DNM3: variants seen among roughly 807,000 people sequenced by gnomAD.
The protein encoded by DNM3 is dynamin-3.
In DNM3, 47 loss-of-function variants were observed where a neutral mutation model predicts 101.6. The observed-to-expected ratio is 0.46, with a 90% CI of 0.37 to 0.59. DNM3 has a LOEUF of 0.59. DNM3 is among the 20% of genes least tolerant of loss of function. DNM3 has a pLI of 0.00. For synonymous variants in DNM3, 385 were observed against 387.9 expected (o/e 0.99, Z 0.09); for missense variants, 849 against 1,085.7 (o/e 0.78, Z 3.06).
At chr1:172,355,470 G>C (rs1196000148) in intron 17 of DNM3, among the ~76,000 whole-genome samples, 1 of 152,116 alleles carries the variant, frequency 6.6e-6, no homozygotes, top group African/African-American at 2.4e-5. Flanking sequence ...AACAGCTGGA[G>C]AGAGACTACA....
intron 20 of DNM3, among the ~76,000 whole-genome samples, chr1:172,404,967 A>T (rs1298702097): frequency 6.6e-6 from 1 of 152,120 alleles, no homozygotes; most frequent in Non-Finnish European, 1.5e-5. Flanking sequence ...GACATAGATC[A>T]TCTAGTCTGA....
At chr1:172,212,324 C>T (rs1170559161) in intron 14 of DNM3, among the ~76,000 whole-genome samples, 3 of 152,124 alleles carry the variant, frequency 2.0e-5, no homozygotes, top group Admixed American at 6.6e-5. Context: ...TGAGGCTAGT[C>T]ACTGCTGCTG....
intron 10 of DNM3, among the ~76,000 whole-genome samples, chr1:172,066,991 C>T (rs372636267): frequency 5.0e-4 from 76 of 151,042 alleles, no homozygotes; most frequent in Middle Eastern, 6.8e-3. Context: ...TGTGTGTGCG[C>T]GCGTGCAAGA....
At chr1:172,077,050 G>A (rs1332594797) in intron 11 of DNM3, among the ~76,000 whole-genome samples, 1 of 152,088 alleles carries the variant, frequency 6.6e-6, no homozygotes, top group Non-Finnish European at 1.5e-5. Flanking sequence ...TTGGGAGGGT[G>A]TATGTATCCA....
At chr1:172,184,759 G>A (rs2059464724) in intron 14 of DNM3, among the ~76,000 whole-genome samples, 1 of 152,060 alleles carries the variant, frequency 6.6e-6, no homozygotes. Flanking sequence ...CATTCTCATT[G>A]CAGACTTGGG....
chr1:172,115,465 C>G (rs928873225), intron 13 of DNM3, among the ~76,000 whole-genome samples: 1 of 152,166 alleles, frequency 6.6e-6, no homozygotes, highest in Non-Finnish European at 1.5e-5. Flanking sequence ...CTTCCCTGTT[C>G]AAAACCCTCT....
At chr1:171,940,249 C>G (rs1465959079) in intron 2 of DNM3, among the ~76,000 whole-genome samples, 1 of 152,098 alleles carries the variant, frequency 6.6e-6, no homozygotes, top group Non-Finnish European at 1.5e-5. Context: ...TCCTGCAAGC[C>G]TGGTGGAATT....
intron 4 of DNM3, among the ~76,000 whole-genome samples, chr1:171,991,991 C>A (rs920422575): frequency 9.2e-5 from 14 of 152,136 alleles, no homozygotes; most frequent in African/African-American, 3.4e-4. Context: ...AAGATAAATT[C>A]TTTTCAAGGG....
chr1:171,936,620 A>G (rs2041440936), intron 2 of DNM3, among the ~76,000 whole-genome samples: 1 of 152,072 alleles, frequency 6.6e-6, no homozygotes, highest in African/African-American at 2.4e-5. Context: ...TTTTCTTGCT[A>G]TTTCTTCCTT....
At chr1:172,118,409 G>T (rs935624282) in intron 13 of DNM3, among the ~76,000 whole-genome samples, 1 of 152,140 alleles carries the variant, frequency 6.6e-6, no homozygotes, top group Non-Finnish European at 1.5e-5. Flanking sequence ...TTGACAAATT[G>T]CTCTATAGCT....
intron 2 of DNM3, among the ~76,000 whole-genome samples, chr1:171,928,658 T>A (rs2040767497): frequency 6.6e-6 from 1 of 152,022 alleles, no homozygotes; most frequent in Non-Finnish European, 1.5e-5. Context: ...AGTCTGAGGG[T>A]AGCAAGGGTA....
intron 14 of DNM3, among the ~76,000 whole-genome samples, chr1:172,167,282 G>T (rs1477527207): frequency 6.6e-6 from 1 of 152,054 alleles, no homozygotes; most frequent in East Asian, 1.9e-4. Context: ...GTATTCCATG[G>T]TGTATATGTG....
At chr1:172,360,051 A>G (rs534413542) in intron 17 of DNM3, among the ~76,000 whole-genome samples, 2 of 152,188 alleles carry the variant, frequency 1.3e-5, no homozygotes, top group Admixed American at 1.3e-4. Context: ...GCACACTAAA[A>G]TTGATTTTTT....
intron 2 of DNM3, among the ~76,000 whole-genome samples, chr1:171,948,746 C>T (rs1172810042): frequency 1.3e-5 from 2 of 152,140 alleles, no homozygotes; most frequent in Non-Finnish European, 2.9e-5. Context: ...CACTAAACAA[C>T]TCCTGTGGTT....
chr1:171,889,353 A>G (rs1251134801), intron 1 of DNM3, among the ~76,000 whole-genome samples: 2 of 152,168 alleles, frequency 1.3e-5, no homozygotes, highest in African/African-American at 4.8e-5. Context: ...AACGACAACA[A>G]CAAAAAACCA....
intron 6 of DNM3, 57 bp downstream of exon 6, chr1:172,033,322 G>A (rs926234439): frequency 1.2e-5 from 18 of 1,459,836 alleles, no homozygotes; most frequent in Admixed American, 2.7e-5. Flanking sequence ...GTAGGTGCTG[G>A]AATTCATATT....
chr1:172,157,675 A>G (rs901771961), intron 14 of DNM3, among the ~76,000 whole-genome samples: 2 of 152,072 alleles, frequency 1.3e-5, no homozygotes, highest in Admixed American at 1.3e-4. Flanking sequence ...ACAATATGAT[A>G]TAACAACTAT....
At chr1:172,347,859 A>G (rs527694429) in intron 17 of DNM3, among the ~76,000 whole-genome samples, 3 of 152,318 alleles carry the variant, frequency 2.0e-5, no homozygotes, top group East Asian at 3.9e-4. Flanking sequence ...AAATTGTAGT[A>G]TATTTACACA....
chr1:171,893,720 G>C (rs751542583), intron 1 of DNM3, among the ~76,000 whole-genome samples: 2 of 152,162 alleles, frequency 1.3e-5, no homozygotes, highest in Admixed American at 1.3e-4. Flanking sequence ...TTCCCAAAGT[G>C]CTGGGATTAC....
Sources: allele counts gnomAD v4.1 joint callset (sites outside exome capture counted in the v4.1 genomes callset), GRCh38; gene constraint gnomAD v4.1.1; transcripts MANE v1.5; gene names NCBI Gene and HGNC (gene_info 2026-07-23, HGNC 2026-07-21).